P2RY6: variants seen among roughly 807,000 people sequenced by gnomAD.
The protein encoded by P2RY6 is P2Y purinoceptor 6.
Under a neutral mutation model 16.3 loss-of-function variants are expected in P2RY6, and 19 were observed. The ratio of observed to expected loss-of-function variants is 1.16; its 90% CI spans 0.81 to 1.71. The LOEUF (loss-of-function observed/expected upper bound fraction) is 1.71, where lower values mean the gene tolerates loss of function less well. P2RY6 is among the 40% of genes most tolerant of loss of function. The probability of loss-of-function intolerance (pLI) is 0.00; values close to 1 mark genes in which losing one functional copy is unlikely to be tolerated. For missense variants in P2RY6, 389 were observed against 455.5 expected (o/e 0.85, Z 1.33); for synonymous variants, 184 against 201.5 (o/e 0.91, Z 0.74).
In P2RY6 at chr11:73,298,011, A is replaced by G. The variant is rs1221921185; in HGVS notation, c.*506A>G. On this transcript the variant is annotated 3_prime_UTR_variant, in exon 3 of 3. Coordinates refer to ENST00000540124, the MANE Select transcript of P2RY6 (RefSeq NM_001277204.2). ...GCCTGTGTTGGTTCTGGGGCCCTAG[A>G]AGAACCAGTCCTAGCCCTGGTCCAT... The G allele has an allele frequency of 5.7e-6, 1 of 176,038 alleles. No individual in the cohort carries two copies. The highest frequency in any genetic ancestry group is 1.4e-5 in the Non-Finnish European group (1 of 73,936). The allele number at this position is 176,038 out of a possible 1,614,324, so 10.9% of individuals were successfully genotyped here.
rs764185597 is a variant in P2RY6 at position 73,295,827 on chromosome 11, C to T, written c.-35+12C>T. 1.0e-6 allele frequency: 1 copy of T among 973,812 alleles called. No homozygotes were observed. Among genetic ancestry groups the T allele is most frequent in the Non-Finnish European group, 1.2e-6 (1 of 819,376 alleles). 60.3% of individuals were successfully genotyped at this position (973,812 alleles called of 1,614,324 possible). ...TCAGTGAGCCCCTGGTGTGTGGACC[C>T]TTCGCATTGGTTAACTAAGAGTTAT... On this transcript the variant is annotated intron_variant, in intron 2 of 2. Transcript: ENST00000540124.
At chr11:73,291,986 C>T (rs968802600) in intron 1 of P2RY6, among the ~76,000 whole-genome samples, 5 of 152,268 alleles carry the variant, frequency 3.3e-5, no homozygotes, top group Admixed American at 6.5e-5. Context: ...TCCTCCAGGT[C>T]GCCCTCTTGG....
chr11:73,282,649 T>G (rs7121711), intron 1 of P2RY6, among the ~76,000 whole-genome samples: 31,032 of 152,028 alleles, frequency 0.2, 3,988 homozygotes, highest in African/African-American at 0.37. Flanking sequence ...AGACCCATGT[T>G]TCTACATCTT....
chr11:73,290,224 A>AAAAG (rs576513356), intron 1 of P2RY6, among the ~76,000 whole-genome samples: 5 of 151,778 alleles, frequency 3.3e-5, no homozygotes, highest in Non-Finnish European at 5.9e-5. Flanking sequence ...CTCCGTCAAA[A>AAAAG]AAAGAAAGAA....
chr11:73,283,958 G>A (rs141489963), intron 1 of P2RY6, among the ~76,000 whole-genome samples: 42 of 152,196 alleles, frequency 2.8e-4, no homozygotes, highest in Admixed American at 1.1e-3. Context: ...CTGGAGTCCC[G>A]CGGGGCTGTG....
chr11:73,281,528 A>T (rs535157076), intron 1 of P2RY6, among the ~76,000 whole-genome samples: 2 of 152,244 alleles, frequency 1.3e-5, no homozygotes, highest in Middle Eastern at 3.2e-3. Flanking sequence ...CATGGCTTAC[A>T]GACACAGGCT....
At chr11:73,290,346 A>AGAAG (rs999614092) in intron 1 of P2RY6, among the ~76,000 whole-genome samples, 208 of 146,792 alleles carry the variant, frequency 1.4e-3, no homozygotes, top group African/African-American at 4.9e-3. Flanking sequence ...AAAGAAAGAA[A>AGAAG]GAAAGAAAGA....
intron 1 of P2RY6, among the ~76,000 whole-genome samples, chr11:73,289,741 C>T (rs542244769): frequency 6.6e-6 from 1 of 152,150 alleles, no homozygotes; most frequent in Non-Finnish European, 1.5e-5. Flanking sequence ...TTGGGGGGAA[C>T]AATGGAGAAG....
At chr11:73,284,007 T>C (rs964004720) in intron 1 of P2RY6, among the ~76,000 whole-genome samples, 7 of 152,042 alleles carry the variant, frequency 4.6e-5, no homozygotes, top group Non-Finnish European at 1.0e-4. Flanking sequence ...ACGGGTTTAT[T>C]TGGACAGTGG....
chr11:73,297,497 G>A lies in P2RY6; in HGVS notation c.979G>A (p.Gly327Ser), dbSNP rs564797664. ...ACTCACAGCCAAATGGCAGAGGCAG[G>A]GTCGCTGAGTCCTCCAGGTCCTGGG... ...QKLTAKWQRQ[G>S]R The change falls in exon 3 of 3, where the codon GGT (glycine) becomes AGT (serine). Residue 327 changes from glycine (G) to serine (S), a missense_variant. Physicochemically the swap from Gly to Ser is moderately conservative, Grantham distance 56 (BLOSUM62 0). Coordinates refer to ENST00000540124, the MANE Select transcript of P2RY6 (RefSeq NM_001277204.2). 13 of 1,605,976 alleles carry A rather than the reference G, an allele frequency of 8.1e-6. No individual in the cohort carries two copies. In the African/African-American group the frequency reaches 1.6e-4, roughly 20 times the overall value.
At chr11:73,270,455 C>T (rs1441759756), upstream of P2RY6, among the ~76,000 whole-genome samples, 1 of 152,182 alleles carries the variant, frequency 6.6e-6, no homozygotes, top group African/African-American at 2.4e-5. Flanking sequence ...CAGGCCAGCA[C>T]TGTGCTGGGA....
intron 1 of P2RY6, among the ~76,000 whole-genome samples, chr11:73,282,363 A>G (rs1822632087): frequency 1.3e-5 from 2 of 152,200 alleles, no homozygotes; most frequent in African/African-American, 4.8e-5. Context: ...GACTTTCTTC[A>G]GCTGGCACCC....
At chr11:73,290,564 C>A (rs1264317235) in intron 1 of P2RY6, among the ~76,000 whole-genome samples, 1 of 152,242 alleles carries the variant, frequency 6.6e-6, no homozygotes, top group East Asian at 1.9e-4. Context: ...ATCCATTGCT[C>A]TGGCTTCTGT....
chr11:73,289,716 A>G (rs1477713476), intron 1 of P2RY6, among the ~76,000 whole-genome samples: 3 of 152,206 alleles, frequency 2.0e-5, no homozygotes, highest in Non-Finnish European at 4.4e-5. Context: ...TGATCTGAGC[A>G]TCCAAGCTCC....
chr11:73,292,504 C>T (rs1864298297), intron 1 of P2RY6, among the ~76,000 whole-genome samples: 1 of 152,220 alleles, frequency 6.6e-6, no homozygotes, highest in South Asian at 2.1e-4. Flanking sequence ...ACTGCCCTAC[C>T]CATTTGACAA....
chr11:73,294,767 T>C (rs1466530557), intron 1 of P2RY6, among the ~76,000 whole-genome samples: 5 of 152,230 alleles, frequency 3.3e-5, no homozygotes, highest in Non-Finnish European at 7.3e-5. Flanking sequence ...CCTTACTTAG[T>C]AGGTACAGTA....
At chr11:73,288,195 A>G (rs1049162412) in intron 1 of P2RY6, among the ~76,000 whole-genome samples, 5 of 152,176 alleles carry the variant, frequency 3.3e-5, no homozygotes, top group Non-Finnish European at 7.3e-5. Flanking sequence ...CAATGAATAC[A>G]TGTGTCCAGG....
rs1282172007 is a variant in P2RY6 at position 73,290,358 on chromosome 11, A to AGAAG, written c.-120-5369_-120-5368insGGAA. Among the ~76,000 whole-genome samples the AGAAG allele has an allele frequency of 4.4e-5, 5 of 112,582 alleles. No homozygotes were observed. The East Asian group carries it at 6.4e-4, about 14-fold the overall frequency. 73.9% of individuals were successfully genotyped at this position (112,582 alleles called of 152,430 possible). A position where few individuals can be genotyped will look rare whatever the true frequency, so the allele number is the denominator to read the frequency against. Reference sequence around the variant, plus strand: ...AAGAAAGAAAGAAAGAAAGAAAGAAAGAAAGAAGGAAAGAAAGAGAAAGAA... The same window carrying AGAAG: ...AAGAAAGAAAGAAAGAAAGAAAGAAAGAAGGAAAGAAGGAAAGAAAGAGAAAGAA... On this transcript the variant is annotated intron_variant, in intron 1 of 2. Transcript: ENST00000540124.
rs201986566 is a variant in P2RY6 at position 73,296,758 on chromosome 11, C to T, written c.240C>T (p.Pro80=). The T allele has an allele frequency of 5.4e-5, 87 of 1,613,068 alleles. 1 individual carries two copies. The highest frequency in any genetic ancestry group is 1.0e-4 in the Admixed American group (6 of 60,030). Residue 80 remains proline, a synonymous_variant, in exon 3 of 3, where the codon CCC becomes CCT. Transcript: ENST00000540124. ...ACCTGCTATATGCCTGCTCCCTGCC[C>T]CTGCTCATCTACAACTATGCCCAAG... The part of the protein sequence containing the change: ...LADLLYACSL[P]LLIYNYAQGD...
Sources: allele counts gnomAD v4.1 joint callset (sites outside exome capture counted in the v4.1 genomes callset), GRCh38; gene constraint gnomAD v4.1.1; transcripts MANE v1.5; gene names NCBI Gene and HGNC (gene_info 2026-07-23, HGNC 2026-07-21).